Variants in NUDT2 observed in about 807,000 individuals in gnomAD.
NUDT2 encodes bis(5'-nucleosyl)-tetraphosphatase [asymmetrical].
Under a neutral mutation model 14.2 loss-of-function variants are expected in NUDT2, and 12 were observed. The observed-to-expected ratio is 0.84, with a 90% CI of 0.54 to 1.37. The LOEUF (loss-of-function observed/expected upper bound fraction) is 1.37. Ranked by LOEUF, NUDT2 falls within the 40% of genes most tolerant of loss-of-function variation. NUDT2 has a pLI of 0.00. For synonymous variants in NUDT2, 67 were observed against 67.4 expected (o/e 0.99, Z 0.03); for missense variants, 167 against 176.7 (o/e 0.95, Z 0.31).
intron 1 of NUDT2, among the ~76,000 whole-genome samples, chr9:34,330,268 C>T (rs1380146894): frequency 3.3e-5 from 5 of 152,064 alleles, no homozygotes; most frequent in Admixed American, 6.6e-5. Context: ...AGCCAGGCGT[C>T]GTGGCGGGCA....
chr9:34,338,156 T>TAA (rs74180557), intron 2 of NUDT2, among the ~76,000 whole-genome samples: 3,731 of 30,974 alleles, frequency 0.12, 384 homozygotes, highest in Non-Finnish European at 0.14. Context: ...CCCTGTTTCT[T>TAA]AAAAAAAAAA....
rs190051153 is a variant in NUDT2, at chr9:34,333,616, C to T, written c.-264-2613C>T. On this transcript the variant is annotated intron_variant, in intron 1 of 4. Coordinates refer to ENST00000379158, the MANE Select transcript of NUDT2 (RefSeq NM_001161.5). ...GAGCTGTGATCATACCATTGCCCTC[C>T]AGTCTGGATGACACAGAGAGACATT... Among the ~76,000 whole-genome samples, 32 of 129,342 alleles carry T rather than the reference C, an allele frequency of 2.5e-4. No homozygotes were observed. In the East Asian group the frequency reaches 6.5e-3, roughly 26 times the overall value. 84.9% of individuals were successfully genotyped at this position (129,342 alleles called of 152,430 possible). A position where few individuals can be genotyped will look rare whatever the true frequency, so the allele number is the denominator to read the frequency against.
At chr9:34,340,574 C>T (rs911722443) in intron 4 of NUDT2, among the ~76,000 whole-genome samples, 2 of 152,220 alleles carry the variant, frequency 1.3e-5, no homozygotes, top group African/African-American at 4.8e-5. Context: ...AGGCCTTAGG[C>T]CAGGCCAAGA....
chr9:34,341,722 C>G (rs1820190805), intron 4 of NUDT2, among the ~76,000 whole-genome samples: 1 of 152,162 alleles, frequency 6.6e-6, no homozygotes, highest in Non-Finnish European at 1.5e-5. Context: ...GTTGGCCAGG[C>G]TGGTCTCAAA....
intron 4 of NUDT2, among the ~76,000 whole-genome samples, chr9:34,342,227 A>G (rs1239060218): frequency 2.0e-5 from 3 of 152,228 alleles, no homozygotes; most frequent in Non-Finnish European, 4.4e-5. Context: ...TTTGCCCAGT[A>G]AGAAAGAGGA....
rs1820235350 is a variant in NUDT2 at position 34,343,123 on chromosome 9, G to A, written c.128-1G>A. ...TTTTCTTCCTCTTTTCTCCTAACTA[G>A]GCCATGTGGAACCAGGAGAGGATGA... On this transcript the variant is annotated splice_acceptor_variant, in intron 4 of 4. Transcript: ENST00000379158. LOFTEE classifies it high-confidence loss of function. 1 of 1,610,394 alleles carries A rather than the reference G, an allele frequency of 6.2e-7. No homozygotes were observed. The highest frequency in any genetic ancestry group is 1.3e-5 in the African/African-American group (1 of 74,744).
intron 4 of NUDT2, among the ~76,000 whole-genome samples, chr9:34,342,317 C>T (rs1446591244): frequency 6.6e-6 from 1 of 152,202 alleles, no homozygotes; most frequent in East Asian, 1.9e-4. Flanking sequence ...CCTGTTGGCC[C>T]TGGAATGTCA....
chr9:34,338,520 A>C (rs1223491153), intron 2 of NUDT2, among the ~76,000 whole-genome samples, 193 bp from the exon 3 acceptor site: 2 of 148,888 alleles, frequency 1.3e-5, no homozygotes, highest in African/African-American at 2.5e-5. Context: ...AAAAAAAAAA[A>C]AACTCAACGA....
At chr9:34,335,425 T>C (rs1838066874) in intron 1 of NUDT2, among the ~76,000 whole-genome samples, 1 of 152,230 alleles carries the variant, frequency 6.6e-6, no homozygotes, top group South Asian at 2.1e-4. Flanking sequence ...ATCTTTAGTT[T>C]TCTGTCACTC....
intron 1 of NUDT2, among the ~76,000 whole-genome samples, chr9:34,329,849 G>T (rs1321861955): frequency 2.1e-5 from 3 of 141,328 alleles, no homozygotes; most frequent in Non-Finnish European, 4.5e-5. Flanking sequence ...TCGGAGTGGG[G>T]ATAGGGTGGG....
At position 34,329,960 on chromosome 9, in the gene NUDT2, C is replaced by T. The variant is rs547657976; in HGVS notation, c.-265+361C>T. 3.7e-4 allele frequency among the ~76,000 whole-genome samples: 57 copies of T among 152,360 alleles called. 1 individual carries two copies. Among genetic ancestry groups the T allele is most frequent in the African/African-American group, 1.2e-3 (50 of 41,582 alleles). On this transcript the variant is annotated intron_variant, in intron 1 of 4. Coordinates refer to ENST00000379158, the MANE Select transcript of NUDT2 (RefSeq NM_001161.5). ...GGCCTCAGTTTCACTTGTTGCTACC[C>T]ATTAAACCCCGCCTGCTTTCCAAAA...
At chr9:34,338,005 G>A (rs1294773233) in intron 2 of NUDT2, among the ~76,000 whole-genome samples, 4 of 151,184 alleles carry the variant, frequency 2.6e-5, no homozygotes, top group South Asian at 2.1e-4. Context: ...CACCACACCC[G>A]GCTAATTTTT....
At chr9:34,336,159 A>G (rs1376069540) in intron 1 of NUDT2, 70 bp from the exon 2 acceptor site, 4 of 152,068 alleles carry the variant, frequency 2.6e-5, no homozygotes, top group African/African-American at 9.7e-5. Flanking sequence ...CTAACATTCC[A>G]TGGGACCTGA....
rs562245326 is a variant in NUDT2, at chr9:34,333,293, A to G, written c.-264-2936A>G. 9.9e-5 allele frequency among the ~76,000 whole-genome samples: 15 copies of G among 152,220 alleles called. No homozygotes were observed. The South Asian group carries it at 2.9e-3, about 30-fold the overall frequency. On this transcript the variant is annotated intron_variant, in intron 1 of 4. Coordinates refer to ENST00000379158, the MANE Select transcript of NUDT2 (RefSeq NM_001161.5). ...AAACCTTTTTGGTGGAAATGATCCCAGCTAGACATCTTAACCTCCAAAGGA... is the reference window on the plus strand; with the variant it reads ...AAACCTTTTTGGTGGAAATGATCCCGGCTAGACATCTTAACCTCCAAAGGA...
chr9:34,331,078 G>A (rs1048250560), intron 1 of NUDT2, among the ~76,000 whole-genome samples: 2 of 152,076 alleles, frequency 1.3e-5, no homozygotes, highest in Non-Finnish European at 2.9e-5. Context: ...TCAGTTAAGG[G>A]AAAAAAGGTA....
intron 1 of NUDT2, among the ~76,000 whole-genome samples, chr9:34,332,688 C>T (rs979145059): frequency 5.9e-5 from 9 of 152,144 alleles, no homozygotes; most frequent in Non-Finnish European, 1.3e-4. Context: ...CTGTTTCCTC[C>T]CTCAGCCAAT....
In NUDT2 at chr9:34,343,249, A is replaced by G. The variant is rs1820239751; in HGVS notation, c.253A>G (p.Arg85Gly). The part of the protein sequence containing the change: ...GFKRELNYVA[R>G]NKPKTVIYWL... ...CAAAAGGGAACTCAATTATGTGGCC[A>G]GGAACAAGCCTAAAACAGTCATTTA... Residue 85 changes from arginine to glycine, a missense_variant, in exon 5 of 5, where the codon AGG becomes GGG. Transcript: ENST00000379158. 1 of 1,614,024 alleles carries G rather than the reference A, an allele frequency of 6.2e-7. No individual in the cohort carries two copies. The highest frequency in any genetic ancestry group is 1.7e-5 in the Admixed American group (1 of 59,972).
intron 1 of NUDT2, among the ~76,000 whole-genome samples, chr9:34,330,464 A>C (rs190061610): frequency 1.6e-4 from 25 of 152,350 alleles, no homozygotes; most frequent in African/African-American, 6.0e-4. Flanking sequence ...GTAAAACGCT[A>C]TTATAGAGTT....
At chr9:34,330,773 G>A (rs1563971058) in intron 1 of NUDT2, among the ~76,000 whole-genome samples, 1 of 151,874 alleles carries the variant, frequency 6.6e-6, no homozygotes, top group South Asian at 2.1e-4. Context: ...CATCCTGGCT[G>A]ACACGGTGAA....
Sources: gnomAD v4.1 joint callset for allele counts (sites outside exome capture counted in the v4.1 genomes callset) on GRCh38, gnomAD v4.1.1 for gene constraint, MANE v1.5 for transcripts, NCBI Gene and HGNC (gene_info 2026-07-23, HGNC 2026-07-21) for gene names.